SON: variants seen among roughly 807,000 people sequenced by gnomAD.
The protein encoded by SON is protein SON.
A neutral mutation model predicts 173.3 loss-of-function variants in SON; 4 were observed. The ratio of observed to expected loss-of-function variants is 0.02; its 90% CI spans 0.01 to 0.05. SON has a LOEUF of 0.05. Among genes scored for constraint, SON ranks in the 10% least tolerant of loss-of-function variants. SON has a pLI of 1.00. For missense variants in SON, 2,626 were observed against 3,055.3 expected, an observed-to-expected ratio of 0.86 and a Z score of 3.31; for synonymous variants, 1,190 against 1,105.9, an observed-to-expected ratio of 1.08 and a Z score of -1.51.
At chr21:33,546,726 C>T (rs1270733645) in intron 2 of SON, 4 of 164,388 alleles carry the variant, frequency 2.4e-5, no homozygotes, top group East Asian at 1.9e-4. Context: ...TGTTGCAGTG[C>T]GCTGAGATTG....
chr21:33,550,305 G>T lies in SON; in HGVS notation c.1074G>T (p.Pro358=), dbSNP rs370296512. 28 of 1,613,984 alleles carry T rather than the reference G, an allele frequency of 1.7e-5. No individual in the cohort carries two copies. Among genetic ancestry groups the T allele is most frequent in the Non-Finnish European group, 2.3e-5 (27 of 1,180,008 alleles). The change falls in exon 3 of 12, where the codon CCG becomes CCT. Residue 358 remains proline (P), a synonymous_variant. Coordinates refer to ENST00000356577, the MANE Select transcript of SON (RefSeq NM_138927.4). ...SEIADSSMTR[P]QELPELPKTT... ...TTGCAGATTCATCCATGACAAGACCGCAGGAGTTGCCGGAGCTGCCTAAGA... is the reference window on the plus strand; with the variant it reads ...TTGCAGATTCATCCATGACAAGACCTCAGGAGTTGCCGGAGCTGCCTAAGA...
chr21:33,549,320 G>T (rs1486925608), intron 2 of SON, among the ~76,000 whole-genome samples, 156 bp from the exon 3 acceptor site: 2 of 152,142 alleles, frequency 1.3e-5, no homozygotes, highest in South Asian at 4.1e-4. Context: ...TGATCCACCT[G>T]CCTTGGCCTC....
chr21:33,546,340 C>G lies in SON; in HGVS notation c.205C>G (p.Leu69Val). 6.2e-7 allele frequency: 1 copy of G among 1,612,894 alleles called. No individual in the cohort carries two copies. The highest frequency in any genetic ancestry group is 8.5e-7 in the Non-Finnish European group (1 of 1,179,528). Residue 69 changes from leucine to valine, a missense_variant, in exon 2 of 12, where the codon CTT becomes GTT. This residue lies in a region of SON where 757 missense variants were observed against 730.1 expected (regional missense o/e 1.04). Transcript: ENST00000356577. ...EEIVQKIEEV[L>V]SGVLDTELRY... ...AATAGTGCAGAAGATAGAGGAAGTACTTTCTGGGGTCTTAGATACAGAACT... is the reference window on the plus strand; with the variant it reads ...AATAGTGCAGAAGATAGAGGAAGTAGTTTCTGGGGTCTTAGATACAGAACT...
At position 33,550,959 on chromosome 21, in the gene SON, T is replaced by G; in HGVS notation, c.1728T>G (p.Pro576=). ...VTGVPELPGL[P]SATRALELSG... Reference sequence around the variant, plus strand: ...GGGTGCCAGAGTTGCCAGGGCTGCCTTCGGCAACTAGGGCACTGGAGTTGT... The same window carrying G: ...GGGTGCCAGAGTTGCCAGGGCTGCCGTCGGCAACTAGGGCACTGGAGTTGT... The change falls in exon 3 of 12, where the codon CCT becomes CCG. Residue 576 remains proline (P), a synonymous_variant. Coordinates refer to ENST00000356577, the MANE Select transcript of SON (RefSeq NM_138927.4). The G allele has an allele frequency of 1.2e-6, 2 of 1,604,948 alleles. No homozygotes were observed. Among genetic ancestry groups the G allele is most frequent in the Non-Finnish European group, 1.7e-6 (2 of 1,173,558 alleles).
chr21:33,547,231 C>G (rs1371362703), intron 2 of SON, among the ~76,000 whole-genome samples: 1 of 152,046 alleles, frequency 6.6e-6, no homozygotes, highest in African/African-American at 2.4e-5. Flanking sequence ...ATCCGCACAC[C>G]TTGGCCTCCC....
At chr21:33,546,095 T>C (rs1053066050) in intron 1 of SON, 118 bp from the exon 2 acceptor site, 2 of 797,762 alleles carry the variant, frequency 2.5e-6, no homozygotes, top group African/African-American at 3.5e-5. Flanking sequence ...ATATCTAAAA[T>C]AGGAAAAAGG....
In SON at chr21:33,544,923, C is replaced by T. The variant is rs376634455; in HGVS notation, c.78-1290C>T. ...TAATATTAGACGAAGCAGTTTATTACTAGAGGAATATGCAGCTTCTCTTCA... is the reference window on the plus strand; with the variant it reads ...TAATATTAGACGAAGCAGTTTATTATTAGAGGAATATGCAGCTTCTCTTCA... On this transcript the variant is annotated intron_variant, in intron 1 of 11. Transcript: ENST00000356577. Among the ~76,000 whole-genome samples the T allele has an allele frequency of 6.0e-4, 92 of 152,252 alleles. No individual in the cohort carries two copies. In the East Asian group the frequency reaches 0.014, roughly 23 times the overall value.
At position 33,576,708 on chromosome 21, in the gene SON, A is replaced by G. The variant is rs1398294790; in HGVS notation, c.*284A>G. On this transcript the variant is annotated 3_prime_UTR_variant, in exon 12 of 12. Transcript: ENST00000356577. ...TCTGTAAAAACATCTCCAGGCTTTG[A>G]TTTTTGTACCATGGAAATTGTATTT... 7.8e-6 allele frequency: 4 copies of G among 514,010 alleles called. No individual in the cohort carries two copies. Among genetic ancestry groups the G allele is most frequent in the Admixed American group, 3.1e-5 (1 of 32,252 alleles). The allele number at this position is 514,010 out of a possible 1,614,324, so 31.8% of individuals were successfully genotyped here. A position where few individuals can be genotyped will look rare whatever the true frequency, so the allele number is the denominator to read the frequency against.
At position 33,554,030 on chromosome 21, in the gene SON, C is replaced by T; in HGVS notation, c.4799C>T (p.Ala1600Val). 1.2e-6 allele frequency: 2 copies of T among 1,614,084 alleles called. No individual in the cohort carries two copies. The highest frequency in any genetic ancestry group is 1.7e-6 in the Non-Finnish European group (2 of 1,180,022). ...GETLSSTGPFALEPDATGTSK... is the reference protein window; with the variant it reads ...GETLSSTGPFVLEPDATGTSK... ...ACTCTATCTTCTACTGGTCCTTTTG[C>T]TCTGGAACCTGATGCAACAGGAACT... The change falls in exon 3 of 12, where the codon GCT becomes GTT. Residue 1600 changes from alanine to valine, a missense_variant. Transcript: ENST00000356577.
rs759274727 is a variant in SON, at chr21:33,552,372, C to T, written c.3141C>T (p.Arg1047=). ...YERSMMSAYE[R]SMMSPMAERS... is the part of the protein sequence containing the mutation. ...GCTCTATGATGTCAGCCTACGAGCG[C>T]TCTATGATGTCCCCTATGGCTGAGC... is the stretch of plus-strand genomic sequence containing the variant. Residue 1047 remains arginine, a synonymous_variant, in exon 3 of 12, where the codon CGC becomes CGT. Coordinates refer to ENST00000356577, the MANE Select transcript of SON (RefSeq NM_138927.4). The surrounding 1 kb of genome is among the most constrained non-coding windows in gnomAD (Gnocchi z 5.6). The T allele has an allele frequency of 1.9e-6, 3 of 1,613,694 alleles. No homozygotes were observed. The highest frequency in any genetic ancestry group is 2.5e-6 in the Non-Finnish European group (3 of 1,179,890).
chr21:33,544,181 G>C (rs1016650857), intron 1 of SON, among the ~76,000 whole-genome samples: 6 of 152,232 alleles, frequency 3.9e-5, no homozygotes, highest in African/African-American at 1.4e-4. Context: ...CCGAAAACCA[G>C]TTGTAAGTGC....
intron 8 of SON, among the ~76,000 whole-genome samples, chr21:33,571,091 A>G (rs1315352675): frequency 6.6e-6 from 1 of 152,198 alleles, no homozygotes; most frequent in African/African-American, 2.4e-5. Flanking sequence ...TTTGGGAAGC[A>G]AATTATTTTG....
chr21:33,543,457 G>C (rs2085514597), intron 1 of SON: 2 of 447,494 alleles, frequency 4.5e-6, no homozygotes, highest in South Asian at 4.5e-5. Flanking sequence ...CTGCCGTTTA[G>C]CTACTCGTAG....
intron 1 of SON, 114 bp downstream of exon 1, chr21:33,543,283 C>G: frequency 1.0e-6 from 1 of 990,750 alleles, no homozygotes; most frequent in East Asian, 2.5e-5. Context: ...CCCGCTAGGG[C>G]CCCGCCTGGG....
At chr21:33,545,453 A>G (rs1162379459) in intron 1 of SON, among the ~76,000 whole-genome samples, 1 of 152,184 alleles carries the variant, frequency 6.6e-6, no homozygotes, top group Non-Finnish European at 1.5e-5. Flanking sequence ...TGTTGCTGAA[A>G]GTATTTGATT....
intron 6 of SON, among the ~76,000 whole-genome samples, chr21:33,564,260 C>G (rs2145861191): frequency 6.6e-6 from 1 of 152,246 alleles, no homozygotes; most frequent in Middle Eastern, 3.4e-3. Flanking sequence ...CCTGAAAAAT[C>G]AGGTTTTTAA....
chr21:33,560,355 T>C, intron 6 of SON: 1 of 1,278,866 alleles, frequency 7.8e-7, no homozygotes, highest in East Asian at 3.2e-5. Flanking sequence ...TAAATTCTTG[T>C]GTTTAACCTA....
At chr21:33,568,724 G>A (rs1352475546) in intron 7 of SON, among the ~76,000 whole-genome samples, 2 of 152,222 alleles carry the variant, frequency 1.3e-5, no homozygotes, top group Non-Finnish European at 2.9e-5. Context: ...GTGATAGTTT[G>A]AAGAATATTA....
intron 1 of SON, 134 bp downstream of exon 1, chr21:33,543,303 C>T: frequency 5.0e-6 from 4 of 800,084 alleles, no homozygotes; most frequent in South Asian, 4.5e-5. Flanking sequence ...GCCTGGGATC[C>T]ATTTTCCGGG....
Sources: allele counts gnomAD v4.1 joint callset (sites outside exome capture counted in the v4.1 genomes callset), GRCh38; gene constraint gnomAD v4.1.1; regional missense constraint gnomAD v4.1.1; non-coding constraint Gnocchi (gnomAD v3.1); transcripts MANE v1.5; gene names NCBI Gene and HGNC (gene_info 2026-07-23, HGNC 2026-07-21).